CLSTN2: variants seen among roughly 807,000 people sequenced by gnomAD.
CLSTN2 encodes the protein calsyntenin 2.
CLSTN2 carries 48 observed loss-of-function variants against 101.2 expected under a neutral mutation model. The observed-to-expected ratio is 0.47, with a 90% CI of 0.38 to 0.60. The LOEUF is 0.60. Ranked by LOEUF, CLSTN2 falls within the 20% of genes least tolerant of loss-of-function variation. The probability of loss-of-function intolerance (pLI) is 0.00; values close to 1 mark genes in which losing one functional copy is unlikely to be tolerated. For synonymous variants in CLSTN2, 481 were observed against 463.6 expected, an observed-to-expected ratio of 1.04 and a Z score of -0.48; for missense variants, 1,160 against 1,238.2, an observed-to-expected ratio of 0.94 and a Z score of 0.95.
chr3:140,304,369 A>G (rs2087091042), intron 2 of CLSTN2, among the ~76,000 whole-genome samples: 1 of 152,236 alleles, frequency 6.6e-6, no homozygotes, highest in African/African-American at 2.4e-5. Context: ...TCACAGTTGT[A>G]GCTGCTGGGA....
rs543865436 is a variant in CLSTN2, at chr3:140,010,945, C to T, written c.109+75462C>T. 2.0e-3 allele frequency among the ~76,000 whole-genome samples: 305 copies of T among 152,320 alleles called. 1 individual carries two copies. Among genetic ancestry groups the T allele is most frequent in the African/African-American group, 6.8e-3 (283 of 41,570 alleles). On this transcript the variant is annotated intron_variant, in intron 1 of 16. Transcript: ENST00000458420. The stretch of plus-strand genomic sequence containing the variant: ...TCCCTTTGTCTTTGTGCTTCAGATG[C>T]ACCTGAATGGCCTGTGTGTTCTGGG...
chr3:140,477,577 T>C (rs1308148665), intron 8 of CLSTN2, among the ~76,000 whole-genome samples: 1 of 152,200 alleles, frequency 6.6e-6, no homozygotes, highest in African/African-American at 2.4e-5. Context: ...AACTACACAG[T>C]TACTTTTGAG....
chr3:140,560,935 C>T lies in CLSTN2; in HGVS notation c.2042-1203C>T, dbSNP rs926430268. 5.3e-5 allele frequency among the ~76,000 whole-genome samples: 8 copies of T among 151,894 alleles called. No individual in the cohort carries two copies. In the East Asian group the frequency reaches 9.7e-4, roughly 18 times the overall value. On this transcript the variant is annotated intron_variant, in intron 12 of 16. Transcript: ENST00000458420. ...GCTTTTAGATTTTGCTGATTATACA[C>T]GAAACCATTGTGATTGACAAGCATT...
intron 8 of CLSTN2, among the ~76,000 whole-genome samples, chr3:140,505,281 A>G (rs2107764425): frequency 6.6e-6 from 1 of 152,308 alleles, no homozygotes; most frequent in South Asian, 2.1e-4. Context: ...AATTTCATTC[A>G]GTGGCTCTGA....
intron 8 of CLSTN2, among the ~76,000 whole-genome samples, chr3:140,483,164 A>C (rs1269623542): frequency 6.6e-6 from 1 of 152,160 alleles, no homozygotes; most frequent in Non-Finnish European, 1.5e-5. Flanking sequence ...GTTGGTTTCA[A>C]AGAACATCTT....
chr3:140,179,935 C>G (rs1419626522), intron 2 of CLSTN2, among the ~76,000 whole-genome samples: 1 of 152,102 alleles, frequency 6.6e-6, no homozygotes, highest in African/African-American at 2.4e-5. Context: ...AAATTGCTTT[C>G]CAGAAAAGTT....
intron 1 of CLSTN2, among the ~76,000 whole-genome samples, chr3:140,017,515 C>T (rs150541603): frequency 0.013 from 1,946 of 152,298 alleles, 29 homozygotes; most frequent in Non-Finnish European, 0.016. Flanking sequence ...TCCCACCAGC[C>T]CCATGCAAAG....
At chr3:140,244,728 C>A (rs2086500241) in intron 2 of CLSTN2, among the ~76,000 whole-genome samples, 1 of 152,108 alleles carries the variant, frequency 6.6e-6, no homozygotes, top group Admixed American at 6.5e-5. Flanking sequence ...CAAACAGATT[C>A]CCTTTTTATT....
chr3:140,285,244 T>G (rs1273335879), intron 2 of CLSTN2, among the ~76,000 whole-genome samples: 1 of 152,162 alleles, frequency 6.6e-6, no homozygotes, highest in African/African-American at 2.4e-5. Flanking sequence ...TTATATTAAT[T>G]TTAATTATTT....
At chr3:140,465,062 A>T (rs1270914549) in intron 7 of CLSTN2, among the ~76,000 whole-genome samples, 1 of 152,162 alleles carries the variant, frequency 6.6e-6, no homozygotes, top group Non-Finnish European at 1.5e-5. Flanking sequence ...CATTGTATCA[A>T]TTAAGAGGCT....
intron 2 of CLSTN2, among the ~76,000 whole-genome samples, chr3:140,340,317 C>T (rs952456046): frequency 2.2e-4 from 34 of 152,102 alleles, no homozygotes; most frequent in Admixed American, 1.8e-3. Flanking sequence ...TAATGTATGC[C>T]GGCCAGCTTT....
chr3:140,038,161 C>T (rs1201416831), intron 1 of CLSTN2, among the ~76,000 whole-genome samples: 1 of 152,170 alleles, frequency 6.6e-6, no homozygotes, highest in Non-Finnish European at 1.5e-5. Flanking sequence ...ACACTCCCAC[C>T]AACAGTGTAA....
rs569266635 is a variant in CLSTN2, at chr3:140,261,357, C to T, written c.232+85284C>T. On this transcript the variant is annotated intron_variant, in intron 2 of 16. Coordinates refer to ENST00000458420, the MANE Select transcript of CLSTN2 (RefSeq NM_022131.3). ...TTTACACTGTTGCTTAGATGGTTAA[C>T]AGCTATGGCCATGGGAGACATTTTT... Among the ~76,000 whole-genome samples, 380 of 152,254 alleles carry T rather than the reference C, an allele frequency of 2.5e-3. 2 individuals carry two copies. The highest frequency in any genetic ancestry group is 8.0e-3 in the African/African-American group (333 of 41,558).
At chr3:139,986,791 T>C (rs1936027925) in intron 1 of CLSTN2, among the ~76,000 whole-genome samples, 1 of 152,196 alleles carries the variant, frequency 6.6e-6, no homozygotes, top group Non-Finnish European at 1.5e-5. Flanking sequence ...GGACTAACTC[T>C]ATGGCACCAG....
intron 8 of CLSTN2, among the ~76,000 whole-genome samples, chr3:140,529,550 A>C (rs1158480900): frequency 2.0e-5 from 3 of 152,110 alleles, no homozygotes; most frequent in Non-Finnish European, 2.9e-5. Context: ...TGGCTTGATC[A>C]TTTTTCAATT....
chr3:140,450,653 G>T lies in CLSTN2; in HGVS notation c.973+1949G>T, dbSNP rs547791207. 1.7e-3 allele frequency among the ~76,000 whole-genome samples: 260 copies of T among 152,156 alleles called. 1 individual carries two copies. Among genetic ancestry groups the T allele is most frequent in the African/African-American group, 5.9e-3 (243 of 41,512 alleles). ...CACAGTCTAGCCTGCCTTCCCCCAA[G>T]GTGGGCCTCTCCACTATTATCTTTG... On this transcript the variant is annotated intron_variant, in intron 6 of 16. Transcript: ENST00000458420.
intron 12 of CLSTN2, among the ~76,000 whole-genome samples, chr3:140,560,360 C>T (rs181530787): frequency 1.8e-4 from 27 of 152,282 alleles, no homozygotes; most frequent in Admixed American, 1.3e-4. Flanking sequence ...CACACACACA[C>T]GCCTCCCTCA....
At chr3:140,563,347 G>A in intron 15 of CLSTN2, 144 bp downstream of exon 15, 1 of 872,480 alleles carries the variant, frequency 1.1e-6, no homozygotes, top group Non-Finnish European at 1.7e-6. Flanking sequence ...AATGTGCCCT[G>A]GCTTTGAGAT....
At chr3:140,550,188 T>A (rs904091524) in intron 10 of CLSTN2, among the ~76,000 whole-genome samples, 7 of 151,594 alleles carry the variant, frequency 4.6e-5, no homozygotes, top group Non-Finnish European at 8.8e-5. Context: ...CTATTAACCA[T>A]GTTTAGGTGT....
Sources: allele counts gnomAD v4.1 joint callset (sites outside exome capture counted in the v4.1 genomes callset), GRCh38; gene constraint gnomAD v4.1.1; transcripts MANE v1.5; gene names NCBI Gene and HGNC (gene_info 2026-07-23, HGNC 2026-07-21).